The following FAM20C variants were observed in gnomAD, a reference collection of about 807,000 sequenced individuals.
FAM20C encodes extracellular serine/threonine protein kinase FAM20C.
Under a neutral mutation model 51.5 loss-of-function variants are expected in FAM20C, and 40 were observed. The observed-to-expected ratio is 0.78, with a 90% confidence interval of 0.60 to 1.01. FAM20C has a LOEUF of 1.01. FAM20C is among the 50% of genes least tolerant of loss of function. FAM20C has a pLI of 0.00. For synonymous variants in FAM20C, 406 were observed against 380.6 expected (o/e 1.07, Z -0.78); for missense variants, 861 against 844.7 (o/e 1.02, Z -0.24).
intron 3 of FAM20C, among the ~76,000 whole-genome samples, chr7:233,972 G>A (rs1164504458): frequency 2.0e-5 from 3 of 152,222 alleles, no homozygotes; most frequent in Non-Finnish European, 4.4e-5. Flanking sequence ...AGGATGCACG[G>A]TGTTGGGGGC....
At chr7:244,212 G>A (rs1275377684) in intron 3 of FAM20C, among the ~76,000 whole-genome samples, 1 of 152,120 alleles carries the variant, frequency 6.6e-6, no homozygotes, top group Non-Finnish European at 1.5e-5. Flanking sequence ...CGTAAGGCTC[G>A]AAGTTTACAG....
chr7:235,334 C>T (rs1190472544), intron 3 of FAM20C, among the ~76,000 whole-genome samples: 4 of 152,106 alleles, frequency 2.6e-5, no homozygotes, highest in African/African-American at 7.2e-5. Context: ...CGTGGACTGC[C>T]GATCTGTGAG....
At chr7:217,769 G>A (rs1426223731) in intron 3 of FAM20C, among the ~76,000 whole-genome samples, 1 of 152,054 alleles carries the variant, frequency 6.6e-6, no homozygotes, top group Non-Finnish European at 1.5e-5. Flanking sequence ...CGGGGCCCGC[G>A]CGTCACTGCA....
chr7:248,265 C>A (rs1283144627), intron 4 of FAM20C, 50 bp from the exon 5 acceptor site: 1 of 1,350,748 alleles, frequency 7.4e-7, no homozygotes, highest in South Asian at 1.3e-5. Flanking sequence ...GACACAGAGG[C>A]CCGCTGAGCC....
chr7:226,976 A>T (rs954152922), intron 3 of FAM20C, among the ~76,000 whole-genome samples: 3 of 152,142 alleles, frequency 2.0e-5, no homozygotes, highest in Non-Finnish European at 4.4e-5. Flanking sequence ...GCAGCCGTCC[A>T]AGCCCACACT....
At chr7:196,864 A>G (rs1354841717) in intron 2 of FAM20C, among the ~76,000 whole-genome samples, 1 of 151,892 alleles carries the variant, frequency 6.6e-6, no homozygotes, top group East Asian at 1.9e-4. Context: ...TGATCAGCTC[A>G]CCTCATAACA....
At chr7:258,450 G>A (rs1232407186) in intron 8 of FAM20C, among the ~76,000 whole-genome samples, 196 bp from the exon 9 acceptor site, 9 of 45,136 alleles carry the variant, frequency 2.0e-4, no homozygotes, top group East Asian at 1.3e-3. Flanking sequence ...GGAGATGGGT[G>A]GGATGGACCC....
intron 2 of FAM20C, among the ~76,000 whole-genome samples, chr7:207,674 C>T (rs146407015): frequency 5.6e-4 from 85 of 152,378 alleles, no homozygotes; most frequent in Middle Eastern, 3.4e-3. Flanking sequence ...GACGTGTGAC[C>T]AGTCCCTGGT....
intron 3 of FAM20C, among the ~76,000 whole-genome samples, chr7:209,529 C>A (rs1389908601): frequency 6.6e-6 from 1 of 151,266 alleles, no homozygotes; most frequent in East Asian, 2.0e-4. Context: ...GGACAGTGTG[C>A]CCTGATCTGG....
chr7:210,052 G>A (rs1309311071), intron 3 of FAM20C, among the ~76,000 whole-genome samples: 2 of 152,198 alleles, frequency 1.3e-5, no homozygotes, highest in Admixed American at 1.3e-4. Context: ...CCTGAGCCCG[G>A]GCCGAGGGCA....
chr7:222,759 C>T (rs528534871), intron 3 of FAM20C, among the ~76,000 whole-genome samples: 2 of 152,262 alleles, frequency 1.3e-5, no homozygotes, highest in South Asian at 2.1e-4. Flanking sequence ...TGAGCATGTG[C>T]TCATGTGTAT....
At chr7:218,142 C>T (rs112035630) in intron 3 of FAM20C, among the ~76,000 whole-genome samples, 2 of 152,316 alleles carry the variant, frequency 1.3e-5, no homozygotes, top group East Asian at 1.9e-4. Flanking sequence ...CGGGGTCACA[C>T]GAGCTGCCAG....
chr7:205,323 T>G, intron 2 of FAM20C, among the ~76,000 whole-genome samples: 1 of 150,712 alleles, frequency 6.6e-6, no homozygotes. Context: ...GCCCCCCGAG[T>G]AGCCGGGACC....
Position 206,530 on chromosome 7 carries a change from C to T in FAM20C, c.785-2368C>T, listed in dbSNP as rs1786396679. 3.3e-5 allele frequency among the ~76,000 whole-genome samples: 5 copies of T among 150,282 alleles called. 1 individual carries two copies. The highest frequency in any genetic ancestry group is 6.8e-3 in the Middle Eastern group (2 of 292). On this transcript the variant is annotated intron_variant, in intron 2 of 9. Coordinates refer to ENST00000313766, the MANE Select transcript of FAM20C (RefSeq NM_020223.4). ...TGTGACGCGTCTGTCATGGTCCCCT[C>T]GGCCCTGCACACGTGTCCACTGTGA...
At chr7:246,860 A>G (rs1436499894) in intron 4 of FAM20C, among the ~76,000 whole-genome samples, 1 of 152,140 alleles carries the variant, frequency 6.6e-6, no homozygotes, top group East Asian at 1.9e-4. Context: ...CGATTTGCCC[A>G]GGTTCCCACG....
intron 3 of FAM20C, chr7:228,835 G>A: frequency 6.6e-6 from 3 of 456,194 alleles, no homozygotes; most frequent in Non-Finnish European, 1.3e-5. Context: ...CAACGTGTTT[G>A]TAGTCCTGAC....
At chr7:253,031 G>T (rs1788458881) in intron 5 of FAM20C, among the ~76,000 whole-genome samples, 1 of 152,238 alleles carries the variant, frequency 6.6e-6, no homozygotes, top group African/African-American at 2.4e-5. Flanking sequence ...TGGACAGAAG[G>T]GCTTTGCCAT....
chr7:243,283 A>G (rs375309662), intron 3 of FAM20C, among the ~76,000 whole-genome samples: 2 of 3,026 alleles, frequency 6.6e-4, no homozygotes, highest in Non-Finnish European at 5.7e-4. Context: ...GTGCCACCCA[A>G]GAGACCTGTG....
In FAM20C at chr7:243,426, A is replaced by G. The variant is rs867363087; in HGVS notation, c.864-2989A>G. ...CCACCCGGGAGACCTGTGCCACCCA[A>G]GAGACCTGTGCCACCCGGGAGACCT... On this transcript the variant is annotated intron_variant, in intron 3 of 9. Transcript: ENST00000313766. Among the ~76,000 whole-genome samples, 33 of 16,318 alleles carry G rather than the reference A, an allele frequency of 2.0e-3. 1 individual carries two copies. Among genetic ancestry groups the G allele is most frequent in the East Asian group, 9.1e-3 (4 of 440 alleles). The allele number at this position is 16,318 out of a possible 152,430, so 10.7% of individuals were successfully genotyped here. A position where few individuals can be genotyped will look rare whatever the true frequency, so the allele number is the denominator to read the frequency against.
Sources: allele counts gnomAD v4.1 joint callset (sites outside exome capture counted in the v4.1 genomes callset), GRCh38; gene constraint gnomAD v4.1.1; transcripts MANE v1.5; gene names NCBI Gene and HGNC (gene_info 2026-07-23, HGNC 2026-07-21).